Variants in CNTNAP5 observed in about 807,000 individuals in gnomAD.
CNTNAP5 encodes the protein contactin associated protein family member 5, also known as contactin-associated protein-like 5.
A neutral mutation model predicts 150.2 loss-of-function variants in CNTNAP5; 72 were observed. That is an observed-to-expected ratio of 0.48 (90% CI 0.40 to 0.58). CNTNAP5 has a LOEUF of 0.58. Among genes scored for constraint, CNTNAP5 ranks in the 20% least tolerant of loss-of-function variants. The probability of loss-of-function intolerance (pLI) is 0.00; values close to 1 mark genes in which losing one functional copy is unlikely to be tolerated. For missense variants in CNTNAP5, 1,636 were observed against 1,626.2 expected (o/e 1.01, Z -0.10); for synonymous variants, 672 against 619.8 (o/e 1.08, Z -1.25).
chr2:124,791,121 C>T (rs1475835897), intron 18 of CNTNAP5, among the ~76,000 whole-genome samples: 1 of 152,132 alleles, frequency 6.6e-6, no homozygotes, highest in African/African-American at 2.4e-5. Context: ...AGCATATCTT[C>T]GAAGCACCTT....
intron 18 of CNTNAP5, among the ~76,000 whole-genome samples, chr2:124,794,847 C>T (rs909162223): frequency 2.0e-5 from 3 of 152,036 alleles, no homozygotes; most frequent in Admixed American, 6.5e-5. Flanking sequence ...AATATTACAT[C>T]GTATATTGCT....
chr2:124,579,863 C>T (rs948604321), intron 11 of CNTNAP5, among the ~76,000 whole-genome samples: 2 of 152,182 alleles, frequency 1.3e-5, no homozygotes, highest in African/African-American at 4.8e-5. Context: ...AGTTTTTAAG[C>T]AAAATAATGG....
chr2:124,723,432 G>A (rs1487629812), intron 13 of CNTNAP5, among the ~76,000 whole-genome samples: 1 of 152,126 alleles, frequency 6.6e-6, no homozygotes, highest in African/African-American at 2.4e-5. Flanking sequence ...TCAAGACAGT[G>A]TAAGATCTTT....
intron 1 of CNTNAP5, among the ~76,000 whole-genome samples, chr2:124,055,225 T>G (rs893601128): frequency 2.0e-5 from 3 of 152,134 alleles, no homozygotes; most frequent in Non-Finnish European, 4.4e-5. Flanking sequence ...AATGGTGACA[T>G]TTTACTTTTA....
intron 13 of CNTNAP5, among the ~76,000 whole-genome samples, chr2:124,649,743 G>T (rs796768414): frequency 1.8e-4 from 28 of 152,182 alleles, no homozygotes; most frequent in African/African-American, 6.0e-4. Flanking sequence ...TGAAAAGTTT[G>T]CATGAAAATC....
intron 2 of CNTNAP5, 88 bp from the exon 3 acceptor site, chr2:124,242,112 A>C: frequency 1.9e-6 from 2 of 1,068,928 alleles, no homozygotes; most frequent in Admixed American, 4.4e-5. Flanking sequence ...TTAGTTGAAC[A>C]CTGTTTCATT....
At chr2:124,614,455 G>T (rs1023460831) in intron 12 of CNTNAP5, among the ~76,000 whole-genome samples, 3 of 152,108 alleles carry the variant, frequency 2.0e-5, no homozygotes, top group African/African-American at 7.2e-5. Flanking sequence ...TTGCTGGTTG[G>T]CCATTTTTAT....
At chr2:124,632,002 A>G (rs1238313136) in intron 12 of CNTNAP5, among the ~76,000 whole-genome samples, 1 of 152,130 alleles carries the variant, frequency 6.6e-6, no homozygotes, top group Non-Finnish European at 1.5e-5. Flanking sequence ...ACAAATCAAA[A>G]CCACAATGAG....
chr2:124,325,123 G>T (rs1443774748), intron 3 of CNTNAP5, among the ~76,000 whole-genome samples: 1 of 151,866 alleles, frequency 6.6e-6, no homozygotes, highest in Non-Finnish European at 1.5e-5. Context: ...TGAGGGTGAA[G>T]CCTTCATGAA....
At chr2:124,465,461 A>G (rs1403981198) in intron 6 of CNTNAP5, among the ~76,000 whole-genome samples, 1 of 152,216 alleles carries the variant, frequency 6.6e-6, no homozygotes, top group Non-Finnish European at 1.5e-5. Context: ...AAAGTAAGAA[A>G]AGAAAGAGAC....
At chr2:124,147,943 C>T (rs1276167767) in intron 1 of CNTNAP5, among the ~76,000 whole-genome samples, 2 of 152,134 alleles carry the variant, frequency 1.3e-5, no homozygotes, top group African/African-American at 4.8e-5. Context: ...CGGCCGTTAG[C>T]CTTTGCGAAC....
At chr2:124,419,960 T>TTCTCTC (rs1553466666) in intron 4 of CNTNAP5, among the ~76,000 whole-genome samples, 3 of 16,964 alleles carry the variant, frequency 1.8e-4, no homozygotes, top group African/African-American at 5.4e-4. Context: ...TTCTTTCCTT[T>TTCTCTC]TCTCTCTCTC....
chr2:124,549,957 A>G (rs1443614456), intron 10 of CNTNAP5, among the ~76,000 whole-genome samples: 2 of 152,192 alleles, frequency 1.3e-5, no homozygotes, highest in Non-Finnish European at 2.9e-5. Flanking sequence ...CCCTCTCTGT[A>G]TCCACGCTAC....
intron 2 of CNTNAP5, among the ~76,000 whole-genome samples, chr2:124,224,965 C>T (rs908513010): frequency 6.6e-6 from 1 of 152,054 alleles, no homozygotes; most frequent in African/African-American, 2.4e-5. Flanking sequence ...AATGTGTCTT[C>T]CTTTAAAACT....
intron 3 of CNTNAP5, among the ~76,000 whole-genome samples, chr2:124,329,480 G>C (rs72964661): frequency 2.0e-3 from 307 of 152,268 alleles, no homozygotes; most frequent in African/African-American, 6.9e-3. Context: ...TTCTGAGGCT[G>C]CTTCTACAGT....
chr2:124,199,462 C>T (rs1309946306), intron 1 of CNTNAP5, among the ~76,000 whole-genome samples: 1 of 127,572 alleles, frequency 7.8e-6, no homozygotes, highest in African/African-American at 3.1e-5. Flanking sequence ...GTTGCCCAGG[C>T]TGGAGTGCAA....
At chr2:124,312,207 A>G (rs1688847124) in intron 3 of CNTNAP5, among the ~76,000 whole-genome samples, 1 of 152,230 alleles carries the variant, frequency 6.6e-6, no homozygotes, top group African/African-American at 2.4e-5. Flanking sequence ...CCTTCAAGGC[A>G]TTAAGTGTAT....
chr2:124,383,018 C>T (rs1012222315), intron 3 of CNTNAP5, among the ~76,000 whole-genome samples: 3 of 152,128 alleles, frequency 2.0e-5, no homozygotes, highest in African/African-American at 2.4e-5. Context: ...AAACCCGCTG[C>T]GAAGTTGCTC....
chr2:124,059,915 G>T (rs1247159563), intron 1 of CNTNAP5, among the ~76,000 whole-genome samples: 1 of 152,092 alleles, frequency 6.6e-6, no homozygotes. Context: ...TGAAAGGAAA[G>T]CAATGTTATG....
Sources: gnomAD v4.1 joint callset for allele counts (sites outside exome capture counted in the v4.1 genomes callset) on GRCh38, gnomAD v4.1.1 for gene constraint, MANE v1.5 for transcripts, NCBI Gene and HGNC (gene_info 2026-07-23, HGNC 2026-07-21) for gene names.